PRELID2: variants seen among roughly 807,000 people sequenced by gnomAD.
PRELID2 encodes PRELI domain-containing protein 2.
A neutral mutation model predicts 28.4 loss-of-function variants in PRELID2; 25 were observed. The ratio of observed to expected loss-of-function variants is 0.88; its 90% confidence interval spans 0.64 to 1.23. The LOEUF (loss-of-function observed/expected upper bound fraction) is 1.23, where lower values mean the gene tolerates loss of function less well. PRELID2 is among the 50% of genes most tolerant of loss of function. The pLI is 0.00. For missense variants in PRELID2, 201 were observed against 214.4 expected, an observed-to-expected ratio of 0.94 and a Z score of 0.39; for synonymous variants, 76 against 71.6, an observed-to-expected ratio of 1.06 and a Z score of -0.31.
At chr5:145,833,235 AGTCTAACGG>A (rs1755719604) in intron 1 of PRELID2, among the ~76,000 whole-genome samples, 2 of 152,182 alleles carry the variant, frequency 1.3e-5, no homozygotes, top group Non-Finnish European at 2.9e-5. Context: ...AAAACCTTAG[AGTCTAACGG>A]GAAACACAAC....
the PRELID2 span, among the ~76,000 whole-genome samples, chr5:145,451,929 G>A: frequency 6.6e-6 from 1 of 152,152 alleles, no homozygotes; most frequent in African/African-American, 2.4e-5. Context: ...TCTCAAAACA[G>A]CTCTCACTGA....
chr5:145,351,893 C>A, the PRELID2 span, among the ~76,000 whole-genome samples: 8 of 152,258 alleles, frequency 5.3e-5, no homozygotes, highest in East Asian at 7.8e-4. Context: ...AGTCATTAAG[C>A]CTTAAAGTTC....
intron 1 of PRELID2, among the ~76,000 whole-genome samples, chr5:145,746,824 A>C (rs2149747084): frequency 6.6e-6 from 1 of 152,342 alleles, no homozygotes; most frequent in African/African-American, 2.4e-5. Flanking sequence ...GGAAATCATA[A>C]CAAACTGTCT....
At chr5:145,257,933 T>C in the PRELID2 span, among the ~76,000 whole-genome samples, 1 of 152,142 alleles carries the variant, frequency 6.6e-6, no homozygotes, top group Non-Finnish European at 1.5e-5. Context: ...TTAGCATCAT[T>C]CTCTTGGTAC....
At chr5:145,426,006 T>A in the PRELID2 span, among the ~76,000 whole-genome samples, 1 of 152,100 alleles carries the variant, frequency 6.6e-6, no homozygotes, top group Non-Finnish European at 1.5e-5. Flanking sequence ...TCAGCTCAAG[T>A]CTCACTTACT....
At chr5:145,316,243 T>G in the PRELID2 span, among the ~76,000 whole-genome samples, 1 of 152,202 alleles carries the variant, frequency 6.6e-6, no homozygotes, top group African/African-American at 2.4e-5. Flanking sequence ...AGAGTAAACT[T>G]TAAAATGTTT....
intron 5 of PRELID2, among the ~76,000 whole-genome samples, chr5:145,768,615 A>G (rs1362722023): frequency 1.3e-5 from 2 of 152,180 alleles, no homozygotes; most frequent in African/African-American, 4.8e-5. Context: ...AGTAGAGCAT[A>G]AATCCAGACG....
intron 1 of PRELID2, among the ~76,000 whole-genome samples, chr5:145,474,371 C>G (rs1416741201): frequency 6.6e-6 from 1 of 152,196 alleles, no homozygotes; most frequent in Non-Finnish European, 1.5e-5. Context: ...AGAACTCTCC[C>G]AGGCACTGAT....
chr5:145,351,430 C>A, the PRELID2 span, among the ~76,000 whole-genome samples: 1 of 152,126 alleles, frequency 6.6e-6, no homozygotes, highest in African/African-American at 2.4e-5. Flanking sequence ...ACCATCAGAT[C>A]TTGCGAGAAC....
chr5:145,256,402 T>A, the PRELID2 span, among the ~76,000 whole-genome samples: 1 of 152,080 alleles, frequency 6.6e-6, no homozygotes, highest in Non-Finnish European at 1.5e-5. Context: ...CTATGTCTGT[T>A]TCTATTGATT....
intron 1 of PRELID2, among the ~76,000 whole-genome samples, chr5:145,688,118 C>T (rs1441309864): frequency 1.3e-5 from 2 of 152,216 alleles, no homozygotes; most frequent in Admixed American, 6.5e-5. Flanking sequence ...GACACGATGC[C>T]TTCAGCTGCT....
chr5:145,439,715 T>C, the PRELID2 span, among the ~76,000 whole-genome samples: 2 of 152,024 alleles, frequency 1.3e-5, no homozygotes, highest in Admixed American at 1.3e-4. Flanking sequence ...CAACACATTT[T>C]CAAACTCTGT....
chr5:145,308,242 C>T, the PRELID2 span, among the ~76,000 whole-genome samples: 23 of 152,096 alleles, frequency 1.5e-4, no homozygotes, highest in African/African-American at 5.6e-4. Context: ...ACATATATAT[C>T]CTGTCCATAT....
chr5:145,296,604 C>T, the PRELID2 span, among the ~76,000 whole-genome samples: 60 of 151,994 alleles, frequency 3.9e-4, no homozygotes, highest in Admixed American at 3.2e-3. Flanking sequence ...TTGGACATTT[C>T]GGTTGGCTCC....
the PRELID2 span, among the ~76,000 whole-genome samples, chr5:145,299,989 T>C: frequency 3.9e-5 from 6 of 152,134 alleles, no homozygotes; most frequent in Admixed American, 2.6e-4. Flanking sequence ...ATTTTTGTCT[T>C]TTTTCATTTC....
chr5:145,526,041 G>A (rs542558495), intron 1 of PRELID2, among the ~76,000 whole-genome samples: 18 of 152,314 alleles, frequency 1.2e-4, no homozygotes, highest in African/African-American at 3.8e-4. Context: ...CTCACAAGAT[G>A]GTGCAGCTAG....
intron 5 of PRELID2, among the ~76,000 whole-genome samples, chr5:145,773,714 G>T (rs1758242697): frequency 6.6e-6 from 1 of 152,178 alleles, no homozygotes; most frequent in Admixed American, 6.5e-5. Flanking sequence ...AAGCAACAAG[G>T]TTCCTATTAT....
At chr5:145,830,657 A>G (rs1352934328) in intron 1 of PRELID2, among the ~76,000 whole-genome samples, 1 of 152,260 alleles carries the variant, frequency 6.6e-6, no homozygotes, top group African/African-American at 2.4e-5. Context: ...GAAAGTACAT[A>G]CAGTTCAGCA....
At chr5:145,298,276 A>G in the PRELID2 span, among the ~76,000 whole-genome samples, 3 of 152,212 alleles carry the variant, frequency 2.0e-5, no homozygotes, top group Non-Finnish European at 4.4e-5. Context: ...ACAGAGATAC[A>G]GATCAATGGA....
Sources: allele counts gnomAD v4.1 joint callset (sites outside exome capture counted in the v4.1 genomes callset), GRCh38; gene constraint gnomAD v4.1.1; transcripts MANE v1.5; gene names NCBI Gene and HGNC (gene_info 2026-07-23, HGNC 2026-07-21).